Variants in SYT16 observed in about 807,000 individuals in gnomAD.
SYT16 encodes the protein synaptotagmin-16.
Under a neutral mutation model 61.4 loss-of-function variants are expected in SYT16, and 42 were observed. That is an observed-to-expected ratio of 0.68 (90% CI 0.53 to 0.89). The LOEUF (loss-of-function observed/expected upper bound fraction) is 0.89, where lower values mean the gene tolerates loss of function less well. Among genes scored for constraint, SYT16 ranks in the 40% least tolerant of loss-of-function variants. SYT16 has a pLI of 0.00. For missense variants in SYT16, 804 were observed against 807.3 expected, an observed-to-expected ratio of 1.00 and a Z score of 0.05; for synonymous variants, 314 against 302.3, an observed-to-expected ratio of 1.04 and a Z score of -0.40.
At chr14:62,038,715 C>G (rs559989584) in intron 3 of SYT16, among the ~76,000 whole-genome samples, 128 of 152,200 alleles carry the variant, frequency 8.4e-4, no homozygotes, top group African/African-American at 2.9e-3. Context: ...GTTGACCCAG[C>G]AGGAAAATGT....
At chr14:62,036,045 A>G (rs915621339) in intron 3 of SYT16, among the ~76,000 whole-genome samples, 21 of 152,256 alleles carry the variant, frequency 1.4e-4, no homozygotes, top group Middle Eastern at 3.4e-3. Flanking sequence ...TGGTCAGGGG[A>G]ATATTACAAG....
intron 1 of SYT16, among the ~76,000 whole-genome samples, chr14:61,849,486 T>G (rs2046545799): frequency 6.6e-6 from 1 of 152,172 alleles, no homozygotes; most frequent in African/African-American, 2.4e-5. Context: ...TTGCTGAAAT[T>G]CAAGTTCTGA....
At chr14:62,032,578 G>C (rs2054349154) in intron 3 of SYT16, among the ~76,000 whole-genome samples, 1 of 151,952 alleles carries the variant, frequency 6.6e-6, no homozygotes, top group South Asian at 2.1e-4. Context: ...AATTCACATA[G>C]GGTAATGATA....
rs531173889 is a variant in SYT16, at chr14:61,942,771, T to C, written c.-324-27361T>C. ...AGTTTTATTTGTTTGTGTTCTAGGG[T>C]ATTCTGGCCCTAAATTTTTTTCTTG... On this transcript the variant is annotated intron_variant, in intron 1 of 7. Coordinates refer to ENST00000683842, the MANE Select transcript of SYT16 (RefSeq NM_001367656.1). 7.4e-4 allele frequency among the ~76,000 whole-genome samples: 113 copies of C among 152,248 alleles called. 6 individuals are homozygous for C. In the South Asian group the frequency reaches 0.023, roughly 32 times the overall value.
intron 1 of SYT16, among the ~76,000 whole-genome samples, chr14:61,946,359 G>A (rs2050436883): frequency 6.6e-6 from 1 of 152,198 alleles, no homozygotes; most frequent in Non-Finnish European, 1.5e-5. Context: ...GGATATGCGT[G>A]GAATATCCAC....
chr14:61,995,219 A>C (rs1306530669), intron 2 of SYT16, among the ~76,000 whole-genome samples: 1 of 152,022 alleles, frequency 6.6e-6, no homozygotes, highest in African/African-American at 2.4e-5. Context: ...GTGATTTAGG[A>C]GTCTGAAAGA....
chr14:61,952,793 G>A (rs937973107), intron 1 of SYT16, among the ~76,000 whole-genome samples: 1 of 152,096 alleles, frequency 6.6e-6, no homozygotes, highest in Admixed American at 6.6e-5. Flanking sequence ...TTTTTGAAAG[G>A]TCTATTTTTT....
intron 1 of SYT16, among the ~76,000 whole-genome samples, chr14:61,960,254 T>G (rs2051062343): frequency 6.6e-6 from 1 of 152,236 alleles, no homozygotes; most frequent in African/African-American, 2.4e-5. Context: ...ACTGGTAGTT[T>G]GATAGAAATA....
At chr14:62,042,330 T>C (rs567590783) in intron 3 of SYT16, among the ~76,000 whole-genome samples, 22 of 152,220 alleles carry the variant, frequency 1.4e-4, no homozygotes, top group African/African-American at 5.1e-4. Context: ...ATATCACACA[T>C]TGTGAATTTT....
chr14:61,938,706 AG>A (rs919063278), intron 1 of SYT16, among the ~76,000 whole-genome samples: 22 of 152,336 alleles, frequency 1.4e-4, no homozygotes, highest in African/African-American at 4.3e-4. Context: ...ACACCAGCTA[AG>A]GGGGACTGAC....
In SYT16 at chr14:61,995,974, T is replaced by G. The variant is rs748367187; in HGVS notation, c.-46T>G. 5 of 1,520,182 alleles carry G rather than the reference T, an allele frequency of 3.3e-6. No individual in the cohort carries two copies. The highest frequency in any genetic ancestry group is 4.4e-6 in the Non-Finnish European group (5 of 1,135,080). 94.2% of individuals were successfully genotyped at this position (1,520,182 alleles called of 1,614,324 possible). ...ATAGTTCACATTCAATCCAGAGCACTGAAGGAACTGAACAACTGGACACTG... is the reference window on the plus strand; with the variant it reads ...ATAGTTCACATTCAATCCAGAGCACGGAAGGAACTGAACAACTGGACACTG... On this transcript the variant is annotated 5_prime_UTR_variant, in exon 3 of 8. Transcript: ENST00000683842.
chr14:62,051,457 C>T (rs1029275876), intron 3 of SYT16, among the ~76,000 whole-genome samples: 23 of 152,306 alleles, frequency 1.5e-4, no homozygotes, highest in East Asian at 1.9e-4. Flanking sequence ...GGCTCATGTA[C>T]GGTGCGCTGC....
At chr14:61,853,600 C>T (rs2046684217) in intron 1 of SYT16, among the ~76,000 whole-genome samples, 1 of 152,210 alleles carries the variant, frequency 6.6e-6, no homozygotes, top group African/African-American at 2.4e-5. Flanking sequence ...AGAACTTCAC[C>T]AGATACCAGA....
At chr14:62,012,076 T>C (rs1056485899) in intron 3 of SYT16, among the ~76,000 whole-genome samples, 2 of 151,918 alleles carry the variant, frequency 1.3e-5, no homozygotes, top group African/African-American at 2.4e-5. Flanking sequence ...TATCTATTCA[T>C]GCATAACATA....
At chr14:61,864,748 G>A in intron 1 of SYT16, 19 of 984,536 alleles carry the variant, frequency 1.9e-5, no homozygotes, top group Non-Finnish European at 2.9e-5. Context: ...TCGCTACCTG[G>A]TTAATGACGC....
chr14:62,001,940 T>A (rs1265231884), intron 3 of SYT16, among the ~76,000 whole-genome samples: 1 of 152,092 alleles, frequency 6.6e-6, no homozygotes, highest in African/African-American at 2.4e-5. Context: ...TTTAAAATAG[T>A]TTCAGTCCCT....
chr14:61,900,428 G>T (rs1186865611), intron 1 of SYT16, among the ~76,000 whole-genome samples: 1 of 152,160 alleles, frequency 6.6e-6, no homozygotes, highest in Admixed American at 6.5e-5. Flanking sequence ...AAAATGTTGG[G>T]ATTACAGGTG....
intron 3 of SYT16, among the ~76,000 whole-genome samples, chr14:61,998,911 G>T (rs1398549449): frequency 6.6e-6 from 1 of 151,892 alleles, no homozygotes; most frequent in Non-Finnish European, 1.5e-5. Flanking sequence ...CTATTGAGAT[G>T]ATCATATGAT....
Position 62,105,322 on chromosome 14 carries a change from G to C in SYT16, c.*4615G>C, listed in dbSNP as rs1304122656. 2.0e-5 allele frequency: 3 copies of C among 152,176 alleles called. No individual in the cohort carries two copies. Among genetic ancestry groups the C allele is most frequent in the African/African-American group, 7.2e-5 (3 of 41,430 alleles). The allele number at this position is 152,176 out of a possible 1,614,324, so 9.4% of individuals were successfully genotyped here. On this transcript the variant is annotated 3_prime_UTR_variant, in exon 8 of 8. Transcript: ENST00000683842. The stretch of plus-strand genomic sequence containing the variant: ...ATCAAAAGAGTTGGTGACAATGGCA[G>C]TTTGACTACATATTTCAACTGTGAT...
Sources: allele counts gnomAD v4.1 joint callset (sites outside exome capture counted in the v4.1 genomes callset), GRCh38; gene constraint gnomAD v4.1.1; transcripts MANE v1.5; gene names NCBI Gene and HGNC (gene_info 2026-07-23, HGNC 2026-07-21).